ZFHX4: variants seen among roughly 807,000 people sequenced by gnomAD.
ZFHX4 encodes the protein zinc finger homeobox 4, also known as zinc finger homeobox protein 4.
Under a neutral mutation model 267.6 loss-of-function variants are expected in ZFHX4, and 56 were observed. The ratio of observed to expected loss-of-function variants is 0.21; its 90% CI spans 0.17 to 0.26. ZFHX4 has a LOEUF of 0.26. Among genes scored for constraint, ZFHX4 ranks in the 10% least tolerant of loss-of-function variants. ZFHX4 has a pLI of 1.00. For synonymous variants in ZFHX4, 1,778 were observed against 1,665.6 expected, an observed-to-expected ratio of 1.07 and a Z score of -1.64; for missense variants, 4,332 against 4,420.0, an observed-to-expected ratio of 0.98 and a Z score of 0.56.
At chr8:76,783,061 G>T (rs77936407) in intron 4 of ZFHX4, among the ~76,000 whole-genome samples, 2,008 of 152,080 alleles carry the variant, frequency 0.013, 43 homozygotes, top group African/African-American at 0.046. Flanking sequence ...TACCAGTAGG[G>T]TTGCCTGATG....
chr8:76,734,940 T>G (rs1026933311), intron 3 of ZFHX4, among the ~76,000 whole-genome samples: 1 of 152,136 alleles, frequency 6.6e-6, no homozygotes, highest in Non-Finnish European at 1.5e-5. Flanking sequence ...ATCCCATTCT[T>G]CAGACATACA....
rs1317837143 is a variant in ZFHX4, at chr8:76,705,636, A to T, written c.1548A>T (p.Lys516Asn). Reference sequence around the variant, plus strand: ...CTCCTTTATCATCCAGTGTGCTAAAATTTATTGAAAAGGGTACCTCGTCCT... The same window carrying T: ...CTCCTTTATCATCCAGTGTGCTAAATTTTATTGAAAAGGGTACCTCGTCCT... ...SISPLSSSVLKFIEKGTSSSS... is the reference protein window; with the variant it reads ...SISPLSSSVLNFIEKGTSSSS... The change falls in exon 2 of 11, where the codon AAA (lysine) becomes AAT (asparagine). Residue 516 changes from lysine to asparagine, a missense_variant. By Grantham distance (94) the Lys-to-Asn change is moderately conservative. Transcript: ENST00000651372. 1 of 1,613,810 alleles carries T rather than the reference A, an allele frequency of 6.2e-7. No homozygotes were observed. The highest frequency in any genetic ancestry group is 8.5e-7 in the Non-Finnish European group (1 of 1,179,866).
intron 9 of ZFHX4, 133 bp downstream of exon 9, chr8:76,850,495 C>T: frequency 2.6e-6 from 2 of 772,888 alleles, no homozygotes; most frequent in Admixed American, 3.0e-5. Context: ...TTTCAAAGAG[C>T]CATATTTTCC....
chr8:76,850,547 G>T (rs1303361942), intron 9 of ZFHX4, among the ~76,000 whole-genome samples, 185 bp downstream of exon 9: 1 of 152,108 alleles, frequency 6.6e-6, no homozygotes, highest in African/African-American at 2.4e-5. Flanking sequence ...TGACCTCAGG[G>T]GACCCAAGTG....
rs1808870314 is a variant in ZFHX4 at position 76,726,994 on chromosome 8, T to C, written c.3093+18946T>C. Among the ~76,000 whole-genome samples the C allele has an allele frequency of 2.0e-5, 3 of 152,202 alleles. No homozygotes were observed. In the South Asian group the frequency reaches 6.2e-4, roughly 31 times the overall value. ...TTAATGCTTAGCGTCATGATGCTTC[T>C]GATTGACAGGGAGTGCCTACTGCAT... On this transcript the variant is annotated intron_variant, in intron 3 of 10. Coordinates refer to ENST00000651372, the MANE Select transcript of ZFHX4 (RefSeq NM_024721.5).
At chr8:76,825,945 G>A (rs953404510) in intron 4 of ZFHX4, among the ~76,000 whole-genome samples, 1 of 152,144 alleles carries the variant, frequency 6.6e-6, no homozygotes, top group African/African-American at 2.4e-5. Context: ...AATGCAGCTT[G>A]CTTGAGAGTA....
At chr8:76,781,021 T>C (rs1736115806) in intron 4 of ZFHX4, among the ~76,000 whole-genome samples, 1 of 152,112 alleles carries the variant, frequency 6.6e-6, no homozygotes, top group African/African-American at 2.4e-5. Context: ...GCACATCAGA[T>C]ACGTGCATGG....
At chr8:76,825,228 T>C (rs370311292) in intron 4 of ZFHX4, among the ~76,000 whole-genome samples, 1 of 152,356 alleles carries the variant, frequency 6.6e-6, no homozygotes. Context: ...AACTACTACT[T>C]ATTCAATACT....
At chr8:76,843,653 CAGA>C (rs751501694) in intron 6 of ZFHX4, among the ~76,000 whole-genome samples, 4 of 152,134 alleles carry the variant, frequency 2.6e-5, no homozygotes, top group East Asian at 3.9e-4. Flanking sequence ...CTCATTGAAG[CAGA>C]AGAAGTGCTG....
intron 3 of ZFHX4, chr8:76,708,256 C>G (rs1808333438): frequency 1.6e-6 from 1 of 627,574 alleles, no homozygotes; most frequent in Non-Finnish European, 2.7e-6. Flanking sequence ...CTATGTCTCA[C>G]TTACACCTGT....
chr8:76,844,918 A>G (rs1812328177), intron 6 of ZFHX4, among the ~76,000 whole-genome samples: 1 of 152,094 alleles, frequency 6.6e-6, no homozygotes, highest in African/African-American at 2.4e-5. Flanking sequence ...ATATTATTAC[A>G]TGGATTTTCT....
Position 76,708,030 on chromosome 8 carries a change from G to T in ZFHX4, c.3075G>T (p.Ala1025=). ...RLHTTNHRHE[A]ALKLYKHLQK... ...ATACCACCAATCACAGGCACGAGGC[G>T]GCCCTGAAGCTCTACAAGGTAAGCA... Residue 1025 remains alanine (A), a synonymous_variant, in exon 3 of 11, where the codon GCG becomes GCT. Transcript: ENST00000651372. 2 of 1,613,382 alleles carry T rather than the reference G, an allele frequency of 1.2e-6. No individual in the cohort carries two copies. Among genetic ancestry groups the T allele is most frequent in the Non-Finnish European group, 1.7e-6 (2 of 1,179,854 alleles).
chr8:76,733,318 G>T (rs1234991317), intron 3 of ZFHX4: 1 of 152,108 alleles, frequency 6.6e-6, no homozygotes, highest in Non-Finnish European at 1.5e-5. Context: ...TAAGGACTGG[G>T]TAAATATGAA....
intron 3 of ZFHX4, among the ~76,000 whole-genome samples, chr8:76,721,807 AG>A (rs1043244530): frequency 6.6e-6 from 1 of 152,106 alleles, no homozygotes; most frequent in African/African-American, 2.4e-5. Context: ...GTATAATTGG[AG>A]TCTTCTCTCT....
intron 3 of ZFHX4, among the ~76,000 whole-genome samples, chr8:76,749,455 C>A (rs1809558912): frequency 6.6e-6 from 1 of 152,114 alleles, no homozygotes; most frequent in Non-Finnish European, 1.5e-5. Context: ...AACTTAGGTT[C>A]ATTTTTCTTG....
intron 6 of ZFHX4, among the ~76,000 whole-genome samples, chr8:76,847,074 T>C (rs1237259670): frequency 6.6e-6 from 1 of 152,182 alleles, no homozygotes; most frequent in Non-Finnish European, 1.5e-5. Flanking sequence ...AGGCAATTGA[T>C]AGACATTGGT....
At chr8:76,774,474 G>C (rs1160453783) in intron 3 of ZFHX4, among the ~76,000 whole-genome samples, 1 of 152,028 alleles carries the variant, frequency 6.6e-6, no homozygotes, top group Non-Finnish European at 1.5e-5. Context: ...TGATTTTTGA[G>C]ACAATTATTC....
intron 4 of ZFHX4, chr8:76,782,137 T>C (rs1484157306): frequency 2.4e-6 from 1 of 414,810 alleles, no homozygotes; most frequent in Non-Finnish European, 4.8e-6. Flanking sequence ...CTATTGTTTC[T>C]TCTAGCATCT....
chr8:76,852,362 A>C lies in ZFHX4; in HGVS notation c.5441A>C (p.Lys1814Thr). The change falls in exon 10 of 11, where the codon AAA (lysine) becomes ACA (threonine). Residue 1814 changes from lysine to threonine, a missense_variant. Around this residue, in one of 7 missense-constraint regions of ZFHX4, gnomAD observed 1,371 missense variants for 1,423.1 expected, o/e 0.96. Transcript: ENST00000651372. ...QATQPQLQPQKQQQQPPPPQQ... is the reference protein window; with the variant it reads ...QATQPQLQPQTQQQQPPPPQQ... ...ACACAGCCCCAGCTGCAGCCTCAAA[A>C]ACAACAGCAGCAGCCACCACCTCCA... 1 of 1,553,488 alleles carries C rather than the reference A, an allele frequency of 6.4e-7. No individual in the cohort carries two copies. Among genetic ancestry groups the C allele is most frequent in the Non-Finnish European group, 8.7e-7 (1 of 1,147,908 alleles).
Sources: gnomAD v4.1 joint callset for allele counts (sites outside exome capture counted in the v4.1 genomes callset) on GRCh38, gnomAD v4.1.1 for gene constraint, gnomAD v4.1.1 regional missense constraint, MANE v1.5 for transcripts, NCBI Gene and HGNC (gene_info 2026-07-23, HGNC 2026-07-21) for gene names.